Variants in DSCAM observed in about 807,000 individuals in gnomAD.
DSCAM encodes the protein cell adhesion molecule DSCAM.
Under a neutral mutation model 217.7 loss-of-function variants are expected in DSCAM, and 47 were observed. The observed-to-expected ratio is 0.22, with a 90% confidence interval of 0.17 to 0.28. DSCAM has a LOEUF of 0.28. DSCAM is among the 10% of genes least tolerant of loss of function. DSCAM has a pLI of 1.00. For synonymous variants in DSCAM, 1,056 were observed against 1,015.3 expected, an observed-to-expected ratio of 1.04 and a Z score of -0.76; for missense variants, 2,080 against 2,618.3, an observed-to-expected ratio of 0.79 and a Z score of 4.49.
chr21:40,758,408 T>G (rs2091297118), intron 1 of DSCAM, among the ~76,000 whole-genome samples: 1 of 150,232 alleles, frequency 6.7e-6, no homozygotes, highest in Admixed American at 6.7e-5. Context: ...TCCCAGCTAC[T>G]TGGGAGGCTG....
At chr21:40,277,632 A>T (rs911760212) in intron 10 of DSCAM, among the ~76,000 whole-genome samples, 17 of 137,212 alleles carry the variant, frequency 1.2e-4, no homozygotes, top group Non-Finnish European at 2.4e-4. Flanking sequence ...GACAACCTGA[A>T]TTTTTTTTTT....
chr21:40,809,431 C>T (rs1024160068), intron 1 of DSCAM, among the ~76,000 whole-genome samples: 2 of 151,918 alleles, frequency 1.3e-5, no homozygotes, highest in Admixed American at 6.6e-5. Context: ...TCTAAAAGGG[C>T]GATTGTTGTA....
At chr21:40,567,486 G>C (rs1281764906) in intron 3 of DSCAM, among the ~76,000 whole-genome samples, 1 of 152,262 alleles carries the variant, frequency 6.6e-6, no homozygotes, top group Non-Finnish European at 1.5e-5. Context: ...TAAGGCTCAA[G>C]GGACTGCAGC....
At chr21:40,328,850 CA>C (rs2074345518) in intron 8 of DSCAM, among the ~76,000 whole-genome samples, 1 of 152,044 alleles carries the variant, frequency 6.6e-6, no homozygotes, top group Admixed American at 6.6e-5. Flanking sequence ...AAAAAATGGG[CA>C]ATGAACCTGA....
chr21:40,658,296 C>A (rs1229660916), intron 3 of DSCAM, among the ~76,000 whole-genome samples: 2 of 152,246 alleles, frequency 1.3e-5, no homozygotes, highest in African/African-American at 4.8e-5. Context: ...ACAAAATTAT[C>A]ATTTAATTTC....
At chr21:40,216,848 AG>A (rs1358484510) in intron 11 of DSCAM, among the ~76,000 whole-genome samples, 2 of 152,228 alleles carry the variant, frequency 1.3e-5, no homozygotes, top group Non-Finnish European at 2.9e-5. Context: ...TGGAACAGAC[AG>A]GACACCTTGG....
intron 16 of DSCAM, among the ~76,000 whole-genome samples, chr21:40,159,739 T>C (rs904408472): frequency 3.9e-5 from 6 of 152,148 alleles, no homozygotes; most frequent in Admixed American, 6.5e-5. Context: ...TGATCCATCA[T>C]GCCTGGCTAA....
intron 3 of DSCAM, among the ~76,000 whole-genome samples, chr21:40,659,464 A>G (rs1302660523): frequency 6.6e-6 from 1 of 151,880 alleles, no homozygotes; most frequent in Non-Finnish European, 1.5e-5. Flanking sequence ...TCTGTTTATT[A>G]TCTATCTACT....
At chr21:40,717,427 GCC>G (rs1569000067) in intron 1 of DSCAM, among the ~76,000 whole-genome samples, 6 of 152,250 alleles carry the variant, frequency 3.9e-5, no homozygotes, top group African/African-American at 1.4e-4. Flanking sequence ...GGTGGAAACA[GCC>G]TACATGTCTA....
chr21:40,640,413 C>T (rs1361836241), intron 3 of DSCAM, among the ~76,000 whole-genome samples: 1 of 152,138 alleles, frequency 6.6e-6, no homozygotes. Flanking sequence ...ACCCTAACAC[C>T]CCTCCCTGAT....
chr21:40,747,299 A>AAC (rs2091184576), intron 1 of DSCAM, among the ~76,000 whole-genome samples: 1 of 149,366 alleles, frequency 6.7e-6, no homozygotes, highest in Admixed American at 6.7e-5. Context: ...TAAAAAAAAA[A>AAC]CAACAAACCT....
intron 24 of DSCAM, among the ~76,000 whole-genome samples, chr21:40,083,557 G>C (rs1027082479): frequency 6.6e-6 from 1 of 152,122 alleles, no homozygotes; most frequent in South Asian, 2.1e-4. Flanking sequence ...TTCTAAGTCA[G>C]GACAGTACCC....
intron 6 of DSCAM, among the ~76,000 whole-genome samples, chr21:40,346,051 T>G (rs1020784260): frequency 3.9e-5 from 6 of 152,220 alleles, no homozygotes. Flanking sequence ...GGATCATCAA[T>G]ATGGTCTTTA....
At chr21:40,230,460 T>G (rs1258677980) in intron 11 of DSCAM, among the ~76,000 whole-genome samples, 1 of 152,228 alleles carries the variant, frequency 6.6e-6, no homozygotes, top group East Asian at 1.9e-4. Context: ...CTGTGAGCAC[T>G]GACCTTTTAA....
At chr21:40,532,916 G>T (rs184941346) in intron 3 of DSCAM, among the ~76,000 whole-genome samples, 1 of 142,946 alleles carries the variant, frequency 7.0e-6, no homozygotes, top group Non-Finnish European at 1.5e-5. Context: ...GTGTGCACAC[G>T]CACGCGCATG....
Position 40,653,286 on chromosome 21 carries a change from C to T in DSCAM, c.508+39524G>A, listed in dbSNP as rs931164961. ...ACATTTCCACATGGGTTCCTGTTAA[C>T]GACACGGTCTTGGAGCAGTAGAAAA... On this transcript the variant is annotated intron_variant, in intron 3 of 32. Coordinates refer to ENST00000400454, the MANE Select transcript of DSCAM (RefSeq NM_001389.5). Among the ~76,000 whole-genome samples the T allele has an allele frequency of 4.6e-5, 7 of 152,246 alleles. No individual in the cohort carries two copies. In the South Asian group the frequency reaches 6.2e-4, roughly 14 times the overall value.
intron 8 of DSCAM, among the ~76,000 whole-genome samples, chr21:40,330,523 C>T (rs1441938571): frequency 1.3e-5 from 2 of 151,242 alleles, no homozygotes; most frequent in Admixed American, 6.6e-5. Context: ...AATAAAATGC[C>T]ATATTTTAAA....
At chr21:40,802,842 T>C (rs1490555058) in intron 1 of DSCAM, among the ~76,000 whole-genome samples, 1 of 152,188 alleles carries the variant, frequency 6.6e-6, no homozygotes, top group Non-Finnish European at 1.5e-5. Context: ...CATATTCCTT[T>C]TCTTTATAAA....
At chr21:40,509,066 A>G (rs904966820) in intron 3 of DSCAM, among the ~76,000 whole-genome samples, 3 of 151,952 alleles carry the variant, frequency 2.0e-5, no homozygotes, top group Non-Finnish European at 4.4e-5. Flanking sequence ...TACCTAAAAC[A>G]CAAAGTTATT....
Sources: gnomAD v4.1 joint callset for allele counts (sites outside exome capture counted in the v4.1 genomes callset) on GRCh38, gnomAD v4.1.1 for gene constraint, MANE v1.5 for transcripts, NCBI Gene and HGNC (gene_info 2026-07-23, HGNC 2026-07-21) for gene names.